MED15: variants seen among roughly 807,000 people sequenced by gnomAD.
The protein encoded by MED15 is mediator complex subunit 15.
A neutral mutation model predicts 118.7 loss-of-function variants in MED15; 41 were observed. That is an observed-to-expected ratio of 0.35 (90% CI 0.27 to 0.45). The LOEUF is 0.45. Ranked by LOEUF, MED15 falls within the 20% of genes least tolerant of loss-of-function variation. The probability of loss-of-function intolerance (pLI) is 1.00; values close to 1 mark genes in which losing one functional copy is unlikely to be tolerated. For synonymous variants in MED15, 436 were observed against 413.9 expected, an observed-to-expected ratio of 1.05 and a Z score of -0.65; for missense variants, 740 against 1,025.5, an observed-to-expected ratio of 0.72 and a Z score of 3.80.
intron 8 of MED15, among the ~76,000 whole-genome samples, chr22:20,570,311 A>G (rs775777489): frequency 5.9e-5 from 9 of 151,500 alleles, no homozygotes; most frequent in Admixed American, 2.6e-4. Flanking sequence ...GCATGAGCCA[A>G]TGCGCCCGGC....
chr22:20,529,290 C>T (rs1055790640), intron 1 of MED15, among the ~76,000 whole-genome samples: 8 of 152,302 alleles, frequency 5.3e-5, no homozygotes, highest in Non-Finnish European at 8.8e-5. Flanking sequence ...CTCTGTTACC[C>T]AGGCTGGAGT....
intron 2 of MED15, among the ~76,000 whole-genome samples, chr22:20,544,508 T>C (rs1311139757): frequency 6.6e-6 from 1 of 151,930 alleles, no homozygotes; most frequent in Non-Finnish European, 1.5e-5. Flanking sequence ...CTACTAAAAA[T>C]ACAAAACAAC....
chr22:20,519,688 C>T (rs1195137144), intron 1 of MED15, among the ~76,000 whole-genome samples: 3 of 152,130 alleles, frequency 2.0e-5, no homozygotes, highest in African/African-American at 4.8e-5. Context: ...CTTCTGACCT[C>T]AGGTGATCTG....
rs889278999 is a variant in MED15 at position 20,518,101 on chromosome 22, T to G, written c.68+10355T>G. 3.3e-5 allele frequency among the ~76,000 whole-genome samples: 5 copies of G among 152,232 alleles called. No individual in the cohort carries two copies. The South Asian group carries it at 1.0e-3, about 32-fold the overall frequency. ...TGACGTGAGGGACTGCCATAATGCG[T>G]CAACATCGACAAGCGCTTGTTACCA... On this transcript the variant is annotated intron_variant, in intron 1 of 17. Coordinates refer to ENST00000263205, the MANE Select transcript of MED15 (RefSeq NM_001003891.3).
chr22:20,532,317 G>C (rs2054892825), intron 1 of MED15, among the ~76,000 whole-genome samples: 1 of 152,198 alleles, frequency 6.6e-6, no homozygotes, highest in African/African-American at 2.4e-5. Context: ...AAGACACGAA[G>C]AGCTTTTCTT....
chr22:20,538,648 G>C (rs954867740), intron 2 of MED15, among the ~76,000 whole-genome samples: 11 of 152,038 alleles, frequency 7.2e-5, no homozygotes, highest in African/African-American at 2.7e-4. Flanking sequence ...CTGTAGATTT[G>C]CCTATTCGGA....
intron 13 of MED15, 153 bp downstream of exon 13, chr22:20,583,546 T>C (rs1203915212): frequency 2.3e-6 from 2 of 856,520 alleles, no homozygotes; most frequent in Non-Finnish European, 3.6e-6. Context: ...TGGTGTGTGC[T>C]GGGGCTTCAA....
intron 1 of MED15, among the ~76,000 whole-genome samples, chr22:20,527,522 G>A (rs1238173742): frequency 6.6e-6 from 1 of 151,546 alleles, no homozygotes; most frequent in Non-Finnish European, 1.5e-5. Flanking sequence ...GCTCACTATG[G>A]CCTCGAACTC....
intron 4 of MED15, chr22:20,554,148 A>T (rs1004076994): frequency 6.6e-6 from 1 of 152,480 alleles, no homozygotes; most frequent in Non-Finnish European, 1.5e-5. Context: ...TTCTTGGCCA[A>T]CTGGGGCTGA....
chr22:20,549,819 G>A (rs2055699887), intron 2 of MED15, among the ~76,000 whole-genome samples: 1 of 152,198 alleles, frequency 6.6e-6, no homozygotes, highest in Non-Finnish European at 1.5e-5. Flanking sequence ...GCTGGGCACT[G>A]CAGGATGATG....
At chr22:20,526,207 T>G (rs1202647992) in intron 1 of MED15, among the ~76,000 whole-genome samples, 3 of 152,202 alleles carry the variant, frequency 2.0e-5, no homozygotes, top group African/African-American at 7.2e-5. Flanking sequence ...TTAATTACTT[T>G]AAATTTTATC....
rs776775399 is a variant in MED15, at chr22:20,583,116, A to G, written c.1541A>G (p.Asn514Ser). 1 of 1,590,264 alleles carries G rather than the reference A, an allele frequency of 6.3e-7. No individual in the cohort carries two copies. Among genetic ancestry groups the G allele is most frequent in the Non-Finnish European group, 8.6e-7 (1 of 1,167,148 alleles). ...PSPGPLNTPV[N>S]PSSVMSPAGS... ...CTCACCCGCCTGTGTCCTGCAGTGAACCCCAGCTCTGTCATGAGCCCAGCT... is the reference window on the plus strand; with the variant it reads ...CTCACCCGCCTGTGTCCTGCAGTGAGCCCCAGCTCTGTCATGAGCCCAGCT... The change falls in exon 12 of 18, where the codon AAC becomes AGC. Residue 514 changes from asparagine (N) to serine (S), a missense_variant. This residue lies in a region of MED15 where 384 missense variants were observed against 506.3 expected (regional missense o/e 0.76). Transcript: ENST00000263205.
At position 20,507,886 on chromosome 22, in the gene MED15, C is replaced by T. The variant is rs569363462; in HGVS notation, c.68+140C>T. 3,017 of 1,484,748 alleles carry T rather than the reference C, an allele frequency of 2.0e-3. 9 individuals are homozygous for T. The highest frequency in any genetic ancestry group is 3.1e-3 in the Middle Eastern group (14 of 4,586). The allele number at this position is 1,484,748 out of a possible 1,614,324, so 92.0% of individuals were successfully genotyped here. A position where few individuals can be genotyped will look rare whatever the true frequency, so the allele number is the denominator to read the frequency against. ...GGGGACTTGCGTGGGTCCCAGGGCT[C>T]GGGCCCCCCCGTCTGTCCCCTCCGT... On this transcript the variant is annotated intron_variant, in intron 1 of 17. Coordinates refer to ENST00000263205, the MANE Select transcript of MED15 (RefSeq NM_001003891.3).
At chr22:20,537,583 C>G (rs935739551) in intron 2 of MED15, among the ~76,000 whole-genome samples, 2 of 152,214 alleles carry the variant, frequency 1.3e-5, no homozygotes, top group Non-Finnish European at 2.9e-5. Flanking sequence ...CTAAGCCCTA[C>G]AGGGCCCTGA....
At position 20,585,097 on chromosome 22, in the gene MED15, C is replaced by T. The variant is rs746671597; in HGVS notation, c.1965-4C>T. 6.2e-7 allele frequency: 1 copy of T among 1,613,582 alleles called. No homozygotes were observed. Among genetic ancestry groups the T allele is most frequent in the Non-Finnish European group, 8.5e-7 (1 of 1,179,868 alleles). On this transcript the variant is annotated splice_region_variant and splice_polypyrimidine_tract_variant and intron_variant, in intron 15 of 17. Coordinates refer to ENST00000263205, the MANE Select transcript of MED15 (RefSeq NM_001003891.3). ...CAGGTGTGGTCACCATGCCGCCTCC[C>T]CAGGGCCCCAGTGGTGTGCACCCGG...
At position 20,564,639 on chromosome 22, in the gene MED15, A is replaced by T. The variant is rs1373177433; in HGVS notation, c.641A>T (p.Gln214Leu). ...CAGCAGCAGCAGCTCCAGCAGCAGC[A>T]GCAGCAGCAGCAGCATCTAATTAAA... ...VQQQQQLQQQQQQQQHLIKLH... is the reference protein window; with the variant it reads ...VQQQQQLQQQLQQQQHLIKLH... Residue 214 changes from glutamine to leucine, a missense_variant, in exon 6 of 18, where the codon CAG (glutamine) becomes CTG (leucine). By Grantham distance (113) the Gln-to-Leu change is moderately radical. This residue lies in a region of MED15 where 384 missense variants were observed against 506.3 expected (regional missense o/e 0.76). Coordinates refer to ENST00000263205, the MANE Select transcript of MED15 (RefSeq NM_001003891.3). 2 of 1,613,270 alleles carry T rather than the reference A, an allele frequency of 1.2e-6. No individual in the cohort carries two copies. The highest frequency in any genetic ancestry group is 1.7e-6 in the Non-Finnish European group (2 of 1,179,692).
rs145075106 is a variant in MED15, at chr22:20,525,103, T to A, written c.69-12014T>A. Among the ~76,000 whole-genome samples the A allele has an allele frequency of 1.9e-4, 29 of 152,180 alleles. 1 individual carries two copies. The highest frequency in any genetic ancestry group is 7.0e-4 in the African/African-American group (29 of 41,558). On this transcript the variant is annotated intron_variant, in intron 1 of 17. Coordinates refer to ENST00000263205, the MANE Select transcript of MED15 (RefSeq NM_001003891.3). ...TCGCTTGATGCCAGGAGTTCAAGACTAGCTTGGGCAACATAGTGAGATCCT... is the reference window on the plus strand; with the variant it reads ...TCGCTTGATGCCAGGAGTTCAAGACAAGCTTGGGCAACATAGTGAGATCCT...
At chr22:20,578,588 A>T (rs1213919719) in intron 9 of MED15, among the ~76,000 whole-genome samples, 1 of 152,168 alleles carries the variant, frequency 6.6e-6, no homozygotes, top group African/African-American at 2.4e-5. Context: ...CTTTCAATCC[A>T]GTCCCTTCCG....
intron 16 of MED15, 24 bp from the exon 17 acceptor site, chr22:20,585,704 C>A: frequency 6.2e-7 from 1 of 1,609,138 alleles, no homozygotes; most frequent in Non-Finnish European, 8.5e-7. Flanking sequence ...GTCCAGGTCA[C>A]AGATAGAGCC....
Sources: gnomAD v4.1 joint callset for allele counts (sites outside exome capture counted in the v4.1 genomes callset) on GRCh38, gnomAD v4.1.1 for gene constraint, gnomAD v4.1.1 regional missense constraint, MANE v1.5 for transcripts, NCBI Gene and HGNC (gene_info 2026-07-23, HGNC 2026-07-21) for gene names.